Variants in TENM3 observed in about 807,000 individuals in gnomAD.
TENM3 encodes the protein teneurin-3.
In TENM3, 63 loss-of-function variants were observed where a neutral mutation model predicts 255.1. That is an observed-to-expected ratio of 0.25 (90% confidence interval 0.20 to 0.30). The LOEUF (loss-of-function observed/expected upper bound fraction) is 0.30. Among genes scored for constraint, TENM3 ranks in the 10% least tolerant of loss-of-function variants. TENM3 has a pLI of 1.00. For missense variants in TENM3, 2,929 were observed against 3,461.1 expected (o/e 0.85, Z 3.86); for synonymous variants, 1,306 against 1,322.3 (o/e 0.99, Z 0.27).
chr4:181,984,674 TTA>T, the TENM3 span, among the ~76,000 whole-genome samples: 1 of 151,946 alleles, frequency 6.6e-6, no homozygotes, highest in South Asian at 2.1e-4. Flanking sequence ...CTCTAGTAAA[TTA>T]TAGAGTAACA....
chr4:182,390,757 CT>C lies in TENM3; in HGVS notation c.511+43835del, dbSNP rs533824857. 2.0e-5 allele frequency among the ~76,000 whole-genome samples: 3 copies of C among 152,270 alleles called. No individual in the cohort carries two copies. The East Asian group carries it at 5.8e-4, about 29-fold the overall frequency. On this transcript the variant is annotated intron_variant, in intron 3 of 27. Coordinates refer to ENST00000511685, the MANE Select transcript of TENM3 (RefSeq NM_001080477.4). Reference sequence around the variant, plus strand: ...AGTTTATAGATCATCTCAAAAGTGACTTTTTTTCCACAAGGCTCTTATTGAT... The same window carrying C: ...AGTTTATAGATCATCTCAAAAGTGACTTTTTTCCACAAGGCTCTTATTGAT...
the TENM3 span, among the ~76,000 whole-genome samples, chr4:181,590,757 C>T: frequency 6.6e-6 from 1 of 152,096 alleles, no homozygotes; most frequent in Non-Finnish European, 1.5e-5. Context: ...ACTGGATTTC[C>T]AAGGAAGCAT....
intron 1 of TENM3, among the ~76,000 whole-genome samples, chr4:182,182,495 C>T (rs527709212): frequency 1.3e-5 from 2 of 152,160 alleles, no homozygotes; most frequent in South Asian, 4.1e-4. Context: ...TGGAGGGTCA[C>T]CTTGGAATGG....
At chr4:182,099,786 A>T in the TENM3 span, among the ~76,000 whole-genome samples, 1 of 152,164 alleles carries the variant, frequency 6.6e-6, no homozygotes, top group African/African-American at 2.4e-5. Flanking sequence ...AGATGGGTGA[A>T]CTTAAAGAGA....
the TENM3 span, among the ~76,000 whole-genome samples, chr4:181,802,049 G>C: frequency 6.6e-6 from 1 of 152,056 alleles, no homozygotes; most frequent in Non-Finnish European, 1.5e-5. Context: ...AGTTTTGATG[G>C]TATGTACATG....
chr4:182,189,334 A>T (rs369393572), intron 1 of TENM3, among the ~76,000 whole-genome samples: 1 of 152,276 alleles, frequency 6.6e-6, no homozygotes, highest in African/African-American at 2.4e-5. Flanking sequence ...CTTCCGTGTC[A>T]TACAAAAAAT....
At chr4:181,616,740 A>C in the TENM3 span, among the ~76,000 whole-genome samples, 1 of 152,098 alleles carries the variant, frequency 6.6e-6, no homozygotes, top group Admixed American at 6.6e-5. Flanking sequence ...TAGAGTTCTA[A>C]TGTCCGTGGG....
chr4:182,406,738 G>A (rs138464502), intron 3 of TENM3, among the ~76,000 whole-genome samples: 7 of 152,148 alleles, frequency 4.6e-5, no homozygotes, highest in South Asian at 2.1e-4. Context: ...TTCATATCTC[G>A]CTATCTATAA....
chr4:181,944,530 C>A, the TENM3 span, among the ~76,000 whole-genome samples: 1 of 152,172 alleles, frequency 6.6e-6, no homozygotes, highest in Non-Finnish European at 1.5e-5. Context: ...CACCAGAGAT[C>A]TGGGTATGCC....
chr4:181,778,571 C>A, the TENM3 span, among the ~76,000 whole-genome samples: 3 of 152,144 alleles, frequency 2.0e-5, no homozygotes, highest in African/African-American at 7.2e-5. Flanking sequence ...GGGATGGCCA[C>A]TTTCTCCTAA....
chr4:181,749,334 A>G, the TENM3 span, among the ~76,000 whole-genome samples: 1 of 152,124 alleles, frequency 6.6e-6, no homozygotes, highest in East Asian at 1.9e-4. Context: ...GCAATTTTAC[A>G]GATTTTGGGG....
At chr4:182,210,698 G>T (rs763913465) in intron 1 of TENM3, among the ~76,000 whole-genome samples, 1 of 149,688 alleles carries the variant, frequency 6.7e-6, no homozygotes, top group Non-Finnish European at 1.5e-5. Flanking sequence ...ACCTACTGAG[G>T]CTTCCGATGC....
chr4:182,225,248 A>G (rs947587971), intron 1 of TENM3, among the ~76,000 whole-genome samples: 1 of 152,168 alleles, frequency 6.6e-6, no homozygotes, highest in Admixed American at 6.5e-5. Context: ...TTTGGGTCTC[A>G]GGATATATCT....
rs543910496 is a variant in TENM3, at chr4:182,802,589, C to T, written c.*2238C>T. 4 of 152,664 alleles carry T rather than the reference C, an allele frequency of 2.6e-5. No homozygotes were observed. The highest frequency in any genetic ancestry group is 2.1e-4 in the South Asian group (1 of 4,822). 9.5% of individuals were successfully genotyped at this position (152,664 alleles called of 1,614,324 possible). ...TTCTTGACGTGGACTGGTCTTCACT[C>T]GGGCACCGATAAATAACAGATTTGG... On this transcript the variant is annotated 3_prime_UTR_variant, in exon 28 of 28. Transcript: ENST00000511685.
chr4:182,229,737 G>T (rs1756438447), intron 1 of TENM3, among the ~76,000 whole-genome samples: 1 of 152,006 alleles, frequency 6.6e-6, no homozygotes, highest in African/African-American at 2.4e-5. Context: ...AGGTCCTCAG[G>T]CATTTTAGTA....
intron 1 of TENM3, among the ~76,000 whole-genome samples, chr4:182,289,324 C>T (rs1414368221): frequency 6.6e-6 from 1 of 152,230 alleles, no homozygotes; most frequent in Non-Finnish European, 1.5e-5. Flanking sequence ...AAAGGACTTA[C>T]TCTATCTACA....
chr4:181,485,719 C>G, the TENM3 span, among the ~76,000 whole-genome samples: 8 of 152,000 alleles, frequency 5.3e-5, no homozygotes, highest in Non-Finnish European at 1.2e-4. Flanking sequence ...TGCATTGATG[C>G]CTAATATCAC....
chr4:181,510,648 T>C, the TENM3 span, among the ~76,000 whole-genome samples: 1 of 152,208 alleles, frequency 6.6e-6, no homozygotes, highest in South Asian at 2.1e-4. Flanking sequence ...ATGACCCCGT[T>C]CTTTCTAGGG....
chr4:182,234,706 T>A (rs1482394504), intron 1 of TENM3, among the ~76,000 whole-genome samples: 1 of 151,878 alleles, frequency 6.6e-6, no homozygotes, highest in Admixed American at 6.6e-5. Flanking sequence ...CACTCCAGCC[T>A]GGGTGACAGA....
Sources: allele counts gnomAD v4.1 joint callset (sites outside exome capture counted in the v4.1 genomes callset), GRCh38; gene constraint gnomAD v4.1.1; transcripts MANE v1.5; gene names NCBI Gene and HGNC (gene_info 2026-07-23, HGNC 2026-07-21).